Variants in PSIP1 observed in about 807,000 individuals in gnomAD.
PSIP1 encodes the protein PC4 and SFRS1-interacting protein.
PSIP1 carries 19 observed loss-of-function variants against 74.7 expected under a neutral mutation model. The observed-to-expected ratio is 0.25, with a 90% confidence interval of 0.18 to 0.37. The LOEUF is 0.37. PSIP1 is among the 10% of genes least tolerant of loss of function. PSIP1 has a pLI of 1.00. For missense variants in PSIP1, 601 were observed against 614.3 expected (o/e 0.98, Z 0.23); for synonymous variants, 222 against 195.3 (o/e 1.14, Z -1.14).
At chr9:15,471,396 T>G (rs149453003) in intron 10 of PSIP1, 51 of 1,512,550 alleles carry the variant, frequency 3.4e-5, no homozygotes, top group Non-Finnish European at 4.5e-5. Context: ...TTGGAGGACA[T>G]TCAAAAGAAA....
At chr9:15,504,034 C>T (rs1331960917) in intron 3 of PSIP1, among the ~76,000 whole-genome samples, 4 of 152,098 alleles carry the variant, frequency 2.6e-5, no homozygotes, top group Non-Finnish European at 5.9e-5. Context: ...CGTAAGCCAC[C>T]GCGCCCAGCC....
In PSIP1 at chr9:15,464,317, AGCC is replaced by A. The variant is rs1321304278; in HGVS notation, c.*1200_*1202del. The stretch of plus-strand genomic sequence containing the variant: ...ATGTCATACAGAGACGCTGGTCTTA[AGCC>A]ATTTTTTTCCATATTCATATAATTT... On this transcript the variant is annotated 3_prime_UTR_variant, in exon 16 of 16. Coordinates refer to ENST00000380733, the MANE Select transcript of PSIP1 (RefSeq NM_033222.5). 1 of 194,090 alleles carries A rather than the reference AGCC, an allele frequency of 5.2e-6. No homozygotes were observed. Among genetic ancestry groups the A allele is most frequent in the African/African-American group, 2.3e-5 (1 of 43,168 alleles). 12.0% of individuals were successfully genotyped at this position (194,090 alleles called of 1,614,324 possible).
In PSIP1 at chr9:15,465,586, G is replaced by A; in HGVS notation, c.1533-6C>T. 1 of 1,566,470 alleles carries A rather than the reference G, an allele frequency of 6.4e-7. No homozygotes were observed. On this transcript the variant is annotated splice_polypyrimidine_tract_variant and splice_region_variant and intron_variant, in intron 15 of 15. Coordinates refer to ENST00000380733, the MANE Select transcript of PSIP1 (RefSeq NM_033222.5). ...CTCTCTCTTCACTGGATGGCCTGAA[G>A]AAAAGGGGGAAAGGTACAACTGGAA...
chr9:15,478,358 A>G lies in PSIP1; in HGVS notation c.629+119T>C. The G allele has an allele frequency of 3.5e-6, 3 of 859,064 alleles. No homozygotes were observed. In the South Asian group the frequency reaches 5.9e-5, roughly 17 times the overall value. 53.2% of individuals were successfully genotyped at this position (859,064 alleles called of 1,614,324 possible). On this transcript the variant is annotated intron_variant, in intron 8 of 15. Transcript: ENST00000380733. The stretch of plus-strand genomic sequence containing the variant: ...CCCAGTTTTTCCTGTAATTTTAAGA[A>G]AGATCAAAATAATAACAAACATCCT...
In PSIP1 at chr9:15,469,270, T is replaced by C. The variant is rs1198997715; in HGVS notation, c.1100A>G (p.Asn367Ser). ...TAAATGAAGTTAAACACTTACAAGATTATCAATTTTGAGTGAATTTTTAAT... is the reference window on the plus strand; with the variant it reads ...TAAATGAAGTTAAACACTTACAAGACTATCAATTTTGAGTGAATTTTTAAT... ...AEIKNSLKID[N>S]LDVNRCIEAL... is the part of the protein sequence containing the mutation. Residue 367 changes from asparagine to serine, a missense_variant, in exon 12 of 16, where the codon AAT becomes AGT. This residue lies in a region of PSIP1 where 538 missense variants were observed against 507.6 expected (regional missense o/e 1.06). Coordinates refer to ENST00000380733, the MANE Select transcript of PSIP1 (RefSeq NM_033222.5). 5 of 1,544,242 alleles carry C rather than the reference T, an allele frequency of 3.2e-6. No homozygotes were observed. Among genetic ancestry groups the C allele is most frequent in the Non-Finnish European group, 4.4e-6 (5 of 1,131,176 alleles).
In PSIP1 at chr9:15,466,868, G is replaced by T. The variant is rs1465557890; in HGVS notation, c.1421-9C>A. ...ATTTAGAGTCTTTGACCCTTGCGAAGGAATCCAATGGAAAAACTTTGTTAA... is the reference window on the plus strand; with the variant it reads ...ATTTAGAGTCTTTGACCCTTGCGAATGAATCCAATGGAAAAACTTTGTTAA... On this transcript the variant is annotated splice_polypyrimidine_tract_variant and intron_variant, in intron 14 of 15. Coordinates refer to ENST00000380733, the MANE Select transcript of PSIP1 (RefSeq NM_033222.5). 2.5e-6 allele frequency: 4 copies of T among 1,591,492 alleles called. No homozygotes were observed. Among genetic ancestry groups the T allele is most frequent in the Non-Finnish European group, 3.4e-6 (4 of 1,166,390 alleles).
intron 10 of PSIP1, 128 bp downstream of exon 10, chr9:15,472,504 T>C (rs2035882304): frequency 4.9e-6 from 7 of 1,433,326 alleles, no homozygotes; most frequent in South Asian, 1.6e-5. Context: ...TGAAGATTTT[T>C]CTAACACATG....
chr9:15,471,737 G>T, intron 10 of PSIP1: 1 of 965,170 alleles, frequency 1.0e-6, no homozygotes, highest in Non-Finnish European at 1.2e-6. Context: ...TGTCAAGAAA[G>T]ACTTTGGCTT....
At chr9:15,474,348 G>C in intron 8 of PSIP1, 111 bp from the exon 9 acceptor site, 1 of 917,526 alleles carries the variant, frequency 1.1e-6, no homozygotes, top group South Asian at 2.0e-5. Context: ...AAAGTAAAAA[G>C]AGTGTCTTCA....
At chr9:15,497,571 C>G (rs761156149) in intron 3 of PSIP1, among the ~76,000 whole-genome samples, 1 of 151,850 alleles carries the variant, frequency 6.6e-6, no homozygotes, top group Non-Finnish European at 1.5e-5. Context: ...GTGATCCGCC[C>G]ACCTCGGCCT....
chr9:15,509,022 A>C (rs1173712393), intron 2 of PSIP1, among the ~76,000 whole-genome samples: 2 of 152,208 alleles, frequency 1.3e-5, no homozygotes, highest in African/African-American at 2.4e-5. Context: ...AGCTAGATGG[A>C]AGAAAGTCAA....
intron 3 of PSIP1, among the ~76,000 whole-genome samples, chr9:15,498,849 G>A (rs1032487753): frequency 6.6e-6 from 1 of 151,796 alleles, no homozygotes; most frequent in Non-Finnish European, 1.5e-5. Flanking sequence ...ACAAAAGCAG[G>A]GCATAACTAT....
At chr9:15,504,878 C>T (rs1038163098) in intron 3 of PSIP1, 3 of 151,930 alleles carry the variant, frequency 2.0e-5, no homozygotes, top group Non-Finnish European at 4.4e-5. Flanking sequence ...AAATCAGAAT[C>T]ATCTGGAAGG....
intron 3 of PSIP1, among the ~76,000 whole-genome samples, chr9:15,502,777 C>T (rs1024984557): frequency 1.3e-5 from 2 of 152,082 alleles, no homozygotes; most frequent in Non-Finnish European, 2.9e-5. Flanking sequence ...TATGTCATTC[C>T]CACTTACTAA....
At chr9:15,507,382 G>A (rs967616363) in intron 2 of PSIP1, among the ~76,000 whole-genome samples, 1 of 152,182 alleles carries the variant, frequency 6.6e-6, no homozygotes, top group Non-Finnish European at 1.5e-5. Flanking sequence ...AGGCGCGGTG[G>A]CTCACACCTG....
chr9:15,506,490 G>A (rs2037593442), intron 3 of PSIP1, 71 bp downstream of exon 3: 2 of 1,085,720 alleles, frequency 1.8e-6, no homozygotes, highest in Admixed American at 4.1e-5. Flanking sequence ...TTTCCCCCTT[G>A]AATTAATGTC....
At chr9:15,476,306 T>G (rs2036074939) in intron 8 of PSIP1, among the ~76,000 whole-genome samples, 2 of 152,224 alleles carry the variant, frequency 1.3e-5, no homozygotes, top group African/African-American at 4.8e-5. Context: ...TCACTTGCTT[T>G]AGGGCTGGGA....
At position 15,474,043 on chromosome 9, in the gene PSIP1, G is replaced by C. The variant is rs10962043; in HGVS notation, c.824C>G (p.Ser275Cys). Reference sequence around the variant, plus strand: ...TTCTTGATCATCTCCTTCTTCTTCAGAATCGGAGGTTGAAGTAACCCCTGT... The same window carrying C: ...TTCTTGATCATCTCCTTCTTCTTCACAATCGGAGGTTGAAGTAACCCCTGT... ...AKTGVTSTSD[S>C]EEEGDDQEGE... is the part of the protein sequence containing the mutation. The change falls in exon 9 of 16, where the codon TCT (serine) becomes TGT (cysteine). Residue 275 changes from serine to cysteine, a missense_variant. Ser to Cys is a moderately radical substitution (Grantham distance 112). Around this residue, in one of 2 missense-constraint regions of PSIP1, gnomAD observed 538 missense variants for 507.6 expected, o/e 1.06. Transcript: ENST00000380733. The C allele has an allele frequency of 6.2e-7, 1 of 1,612,762 alleles. No homozygotes were observed. The highest frequency in any genetic ancestry group is 1.7e-5 in the Admixed American group (1 of 59,838).
At chr9:15,466,716 A>G in intron 15 of PSIP1, 32 bp downstream of exon 15, 1 of 1,515,374 alleles carries the variant, frequency 6.6e-7, no homozygotes, top group Non-Finnish European at 9.0e-7. Flanking sequence ...ATAATAAAAA[A>G]CACACAAGAC....
Sources: gnomAD v4.1 joint callset for allele counts (sites outside exome capture counted in the v4.1 genomes callset) on GRCh38, gnomAD v4.1.1 for gene constraint, gnomAD v4.1.1 regional missense constraint, MANE v1.5 for transcripts, NCBI Gene and HGNC (gene_info 2026-07-23, HGNC 2026-07-21) for gene names.